Variants in CCDC171 observed in about 807,000 individuals in gnomAD.
The protein encoded by CCDC171 is coiled-coil domain containing 171.
CCDC171 carries 177 observed loss-of-function variants against 168.2 expected under a neutral mutation model. The ratio of observed to expected loss-of-function variants is 1.05; its 90% CI spans 0.93 to 1.19. The LOEUF is 1.19. Among genes scored for constraint, CCDC171 ranks in the 50% most tolerant of loss-of-function variants. CCDC171 has a pLI of 0.00. For missense variants in CCDC171, 1,991 were observed against 1,539.0 expected (o/e 1.29, Z -4.91); for synonymous variants, 687 against 540.8 (o/e 1.27, Z -3.75).
In CCDC171 at chr9:15,874,558, G is replaced by C. The variant is rs1215741211; in HGVS notation, c.3495G>C (p.Trp1165Cys). Residue 1165 changes from tryptophan (W) to cysteine (C), a missense_variant, in exon 24 of 26, where the codon TGG (tryptophan) becomes TGC (cysteine). Coordinates refer to ENST00000380701, the MANE Select transcript of CCDC171 (RefSeq NM_173550.4). Reference protein sequence around the residue: ...HKVRDQISLSWSAASRNDFTL... With the variant: ...HKVRDQISLSCSAASRNDFTL... ...TCAGAGATCAGATCTCGCTGTCATG[G>C]TCTGCGGCAAGTAGGAATGACTTCA... 4.4e-6 allele frequency: 7 copies of C among 1,606,874 alleles called. No homozygotes were observed. Among genetic ancestry groups the C allele is most frequent in the Non-Finnish European group, 5.9e-6 (7 of 1,176,800 alleles).
chr9:15,841,115 A>AT (rs552234384), intron 21 of CCDC171, among the ~76,000 whole-genome samples: 349 of 152,196 alleles, frequency 2.3e-3, no homozygotes, highest in African/African-American at 8.2e-3. Flanking sequence ...TTTAAGGTGA[A>AT]TTTCCATTGC....
intron 23 of CCDC171, among the ~76,000 whole-genome samples, chr9:15,857,159 C>G (rs1021206049): frequency 6.6e-6 from 1 of 151,726 alleles, no homozygotes; most frequent in African/African-American, 2.4e-5. Flanking sequence ...TTCTCTTATC[C>G]CACAGGTTGC....
At chr9:16,027,644 G>A (rs1833299470) in intron 6 of CCDC171, among the ~76,000 whole-genome samples, 1 of 152,110 alleles carries the variant, frequency 6.6e-6, no homozygotes, top group South Asian at 2.1e-4. Flanking sequence ...CTAATGAAGG[G>A]CCCACTCGCC....
chr9:15,657,254 C>G (rs535380154), intron 8 of CCDC171, 35 bp downstream of exon 8: 1 of 1,358,312 alleles, frequency 7.4e-7, no homozygotes, highest in South Asian at 1.2e-5. Context: ...CCTGCATTTT[C>G]TTAATTTGTG....
chr9:15,644,049 T>C (rs1231184029), intron 7 of CCDC171, among the ~76,000 whole-genome samples: 1 of 152,200 alleles, frequency 6.6e-6, no homozygotes, highest in Non-Finnish European at 1.5e-5. Context: ...TGTGCATAAT[T>C]TTTTGAATCT....
At chr9:15,871,478 G>GCA (rs145087287) in intron 23 of CCDC171, among the ~76,000 whole-genome samples, 1 of 151,332 alleles carries the variant, frequency 6.6e-6, no homozygotes, top group Admixed American at 6.6e-5. Flanking sequence ...TTTCCTTTTA[G>GCA]GAAAAAAATA....
chr9:15,569,033 A>G (rs1042943158), intron 2 of CCDC171, among the ~76,000 whole-genome samples: 3 of 152,154 alleles, frequency 2.0e-5, no homozygotes, highest in Non-Finnish European at 4.4e-5. Context: ...AGTCAAACAT[A>G]TTTGTTAGTC....
At chr9:15,677,927 A>ATATATAT (rs1491415268) in intron 9 of CCDC171, among the ~76,000 whole-genome samples, 2,201 of 29,242 alleles carry the variant, frequency 0.075, 507 homozygotes, top group African/African-American at 0.085. Flanking sequence ...TATATATATA[A>ATATATAT]GAGATGTGGT....
chr9:15,734,595 T>C (rs1028072922), intron 16 of CCDC171, among the ~76,000 whole-genome samples: 1 of 152,168 alleles, frequency 6.6e-6, no homozygotes, highest in Non-Finnish European at 1.5e-5. Context: ...GTATTATTTA[T>C]GTACATATTT....
At chr9:15,583,282 G>T (rs918112840) in intron 4 of CCDC171, among the ~76,000 whole-genome samples, 2 of 152,030 alleles carry the variant, frequency 1.3e-5, no homozygotes, top group Non-Finnish European at 2.9e-5. Context: ...GGGTGTGGTG[G>T]CGCACGCCTG....
At chr9:15,575,157 CTTTTTTTTTT>C (rs57272096) in intron 3 of CCDC171, among the ~76,000 whole-genome samples, 24 of 86,872 alleles carry the variant, frequency 2.8e-4, no homozygotes, top group African/African-American at 2.1e-4. Context: ...GACATAACTA[CTTTTTTTTTT>C]TTTTTTTTTT....
At chr9:16,096,391 G>A in the CCDC171 span, among the ~76,000 whole-genome samples, 1 of 152,174 alleles carries the variant, frequency 6.6e-6, no homozygotes, top group Non-Finnish European at 1.5e-5. Flanking sequence ...CTGTTTAGAT[G>A]GGTGGTGAGT....
chr9:15,627,278 C>T (rs964289637), intron 7 of CCDC171, among the ~76,000 whole-genome samples: 4 of 152,082 alleles, frequency 2.6e-5, no homozygotes, highest in African/African-American at 9.7e-5. Context: ...CTCCTGGATT[C>T]ATTGATTTTT....
chr9:15,799,626 T>C (rs1178342828), intron 21 of CCDC171, among the ~76,000 whole-genome samples: 1 of 152,114 alleles, frequency 6.6e-6, no homozygotes, highest in Non-Finnish European at 1.5e-5. Context: ...ACAATCCAAT[T>C]ATACTCTTTC....
intron 25 of CCDC171, among the ~76,000 whole-genome samples, chr9:15,957,806 C>T (rs1235267776): frequency 6.6e-6 from 1 of 152,160 alleles, no homozygotes; most frequent in African/African-American, 2.4e-5. Context: ...AGAATGGACA[C>T]TGGCCAAGAT....
intron 19 of CCDC171, among the ~76,000 whole-genome samples, chr9:15,778,643 C>CTAAAAAAA (rs2057480252): frequency 1.7e-5 from 1 of 58,770 alleles, no homozygotes; most frequent in Non-Finnish European, 2.9e-5. Context: ...AAGACTGTCT[C>CTAAAAAAA]AAAAAAAAAA....
chr9:15,970,263 T>C (rs1369577469), intron 25 of CCDC171, among the ~76,000 whole-genome samples: 1 of 152,192 alleles, frequency 6.6e-6, no homozygotes, highest in Non-Finnish European at 1.5e-5. Flanking sequence ...TTCTAATATG[T>C]TCCTAAAGCC....
intron 24 of CCDC171, chr9:15,886,708 A>G (rs1402674253): frequency 1.3e-5 from 2 of 151,898 alleles, no homozygotes; most frequent in Non-Finnish European, 2.9e-5. Flanking sequence ...AGATATAGAA[A>G]CAACCTAAGT....
chr9:15,628,611 A>G (rs2045384114), intron 7 of CCDC171, among the ~76,000 whole-genome samples: 1 of 152,208 alleles, frequency 6.6e-6, no homozygotes, highest in Non-Finnish European at 1.5e-5. Flanking sequence ...GGCACAGACA[A>G]ACAAAAAGAC....
Sources: gnomAD v4.1 joint callset for allele counts (sites outside exome capture counted in the v4.1 genomes callset) on GRCh38, gnomAD v4.1.1 for gene constraint, MANE v1.5 for transcripts, NCBI Gene and HGNC (gene_info 2026-07-23, HGNC 2026-07-21) for gene names.